MARCHF2: variants seen among roughly 807,000 people sequenced by gnomAD.
The protein encoded by MARCHF2 is membrane associated ring-CH-type finger 2.
Under a neutral mutation model 24.0 loss-of-function variants are expected in MARCHF2, and 22 were observed. That is an observed-to-expected ratio of 0.92 (90% CI 0.66 to 1.31). The LOEUF (loss-of-function observed/expected upper bound fraction) is 1.31, where lower values mean the gene tolerates loss of function less well. MARCHF2 is among the 50% of genes most tolerant of loss of function. MARCHF2 has a pLI of 0.00. For missense variants in MARCHF2, 301 were observed against 335.3 expected (o/e 0.90, Z 0.80); for synonymous variants, 154 against 153.0 (o/e 1.01, Z -0.05).
chr19:8,438,406 T>C lies in MARCHF2; in HGVS notation c.601T>C (p.Cys201Arg). ...LWTLVSFRYH[C>R]QLYSEWRKTN... ...CCCACAGGTCTCCTTCCGCTACCAC[T>C]GCCAGCTGTACTCCGAGTGGAGAAA... The change falls in exon 5 of 5, where the codon TGC (cysteine) becomes CGC (arginine). Residue 201 changes from cysteine to arginine, a missense_variant. Physicochemically the swap from Cys to Arg is radical, Grantham distance 180. Coordinates refer to ENST00000215555, the MANE Select transcript of MARCHF2 (RefSeq NM_001005415.2). 1 of 1,613,824 alleles carries C rather than the reference T, an allele frequency of 6.2e-7. No homozygotes were observed. Among genetic ancestry groups the C allele is most frequent in the Non-Finnish European group, 8.5e-7 (1 of 1,180,034 alleles).
In MARCHF2 at chr19:8,417,748, CTTTTTTTTTTTTTTTTTTTTT is replaced by C. The variant is rs71175853; in HGVS notation, c.-52-4030_-52-4010del. On this transcript the variant is annotated intron_variant, in intron 1 of 4. Coordinates refer to ENST00000215555, the MANE Select transcript of MARCHF2 (RefSeq NM_001005415.2). ...CCACTACGCCCGGCCAATACCCTGTCTTTTTTTTTTTTTTTTTTTTTTTTTTTTTTTGAGAAAGAATTTCAC... is the reference window on the plus strand; with the variant it reads ...CCACTACGCCCGGCCAATACCCTGTCTTTTTTTTTTGAGAAAGAATTTCAC... 6.2e-3 allele frequency among the ~76,000 whole-genome samples: 166 copies of C among 26,886 alleles called. 2 individuals carry two copies. The highest frequency in any genetic ancestry group is 0.025 in the African/African-American group (163 of 6,632). The allele number at this position is 26,886 out of a possible 152,430, so 17.6% of individuals were successfully genotyped here.
intron 1 of MARCHF2, chr19:8,418,308 T>G (rs1568234679): frequency 6.6e-6 from 1 of 152,216 alleles, no homozygotes; most frequent in African/African-American, 2.4e-5. Context: ...TCCCTGCCTT[T>G]GGGCAATACT....
At chr19:8,431,161 A>C (rs941017491) in intron 4 of MARCHF2, among the ~76,000 whole-genome samples, 1 of 152,156 alleles carries the variant, frequency 6.6e-6, no homozygotes. Flanking sequence ...AAAGCCTGAG[A>C]GAGAGATCGG....
intron 2 of MARCHF2, among the ~76,000 whole-genome samples, chr19:8,424,673 G>T (rs1390914624): frequency 1.4e-5 from 2 of 145,204 alleles, no homozygotes; most frequent in African/African-American, 5.0e-5. Context: ...TCAAAAAAAA[G>T]AAAAAAAAAA....
chr19:8,426,540 C>A, intron 2 of MARCHF2, 69 bp from the exon 3 acceptor site: 1 of 1,306,156 alleles, frequency 7.7e-7, no homozygotes, highest in Non-Finnish European at 1.1e-6. Context: ...GCTTGTGATC[C>A]AGTGGGTAGT....
chr19:8,432,474 G>A (rs1188134373), intron 4 of MARCHF2, among the ~76,000 whole-genome samples: 3 of 152,084 alleles, frequency 2.0e-5, no homozygotes, highest in African/African-American at 7.2e-5. Context: ...GGGCAACTTA[G>A]GGAGACCCCA....
chr19:8,419,815 C>T (rs1237385200), intron 1 of MARCHF2, among the ~76,000 whole-genome samples: 1 of 117,478 alleles, frequency 8.5e-6, no homozygotes, highest in Non-Finnish European at 1.7e-5. Flanking sequence ...GACTCCGTCT[C>T]AAAAAAAAAA....
At chr19:8,437,216 G>A (rs1967749081) in intron 4 of MARCHF2, among the ~76,000 whole-genome samples, 1 of 151,996 alleles carries the variant, frequency 6.6e-6, no homozygotes, top group African/African-American at 2.4e-5. Flanking sequence ...CTGAGCTCAA[G>A]TGGTCCCCAC....
At chr19:8,417,070 T>C (rs1255369245) in intron 1 of MARCHF2, among the ~76,000 whole-genome samples, 4 of 152,098 alleles carry the variant, frequency 2.6e-5, no homozygotes, top group African/African-American at 9.7e-5. Flanking sequence ...GTTTTTTTTT[T>C]TTCTCCCTGA....
chr19:8,435,777 C>T (rs545864179), intron 4 of MARCHF2, among the ~76,000 whole-genome samples: 1 of 151,306 alleles, frequency 6.6e-6, no homozygotes, highest in Non-Finnish European at 1.5e-5. Flanking sequence ...TGGGCTCAAA[C>T]CTTGGCTTCC....
chr19:8,435,023 T>TTA (rs1555694488), intron 4 of MARCHF2, among the ~76,000 whole-genome samples: 2 of 149,698 alleles, frequency 1.3e-5, no homozygotes, highest in African/African-American at 4.9e-5. Context: ...TTTTTTAATT[T>TTA]TTTTTTTTTT....
chr19:8,433,578 A>T (rs566412749), intron 4 of MARCHF2, among the ~76,000 whole-genome samples: 1,583 of 150,544 alleles, frequency 0.011, 21 homozygotes, highest in African/African-American at 0.036. Flanking sequence ...CAAGAGGCTG[A>T]GGCAGGAGAA....
At chr19:8,424,506 AAAT>A (rs2145551276) in intron 2 of MARCHF2, among the ~76,000 whole-genome samples, 1 of 152,118 alleles carries the variant, frequency 6.6e-6, no homozygotes, top group Admixed American at 6.6e-5. Flanking sequence ...TCTCTACAAA[AAAT>A]ACAAAAAATT....
rs552072789 is a variant in MARCHF2 at position 8,426,783 on chromosome 19, A to G, written c.351A>G (p.Lys117=). The change falls in exon 3 of 5, where the codon AAA becomes AAG. Residue 117 remains lysine (K), a synonymous_variant. Coordinates refer to ENST00000215555, the MANE Select transcript of MARCHF2 (RefSeq NM_001005415.2). ...ELCHTEFAVE[K]RPRPLTEWLK... Reference sequence around the variant, plus strand: ...GCCACACGGAGTTTGCAGTGGAGAAACGGCCTCGACCCCTCACAGAGGTAC... The same window carrying G: ...GCCACACGGAGTTTGCAGTGGAGAAGCGGCCTCGACCCCTCACAGAGGTAC... 1.2e-4 allele frequency: 195 copies of G among 1,612,168 alleles called. 2 individuals carry two copies. The South Asian group carries it at 2.0e-3, about 17-fold the overall frequency.
chr19:8,431,450 T>C (rs1967580530), intron 4 of MARCHF2, among the ~76,000 whole-genome samples: 1 of 118,084 alleles, frequency 8.5e-6, no homozygotes, highest in Admixed American at 1.3e-4. Flanking sequence ...TAAGCCTAGA[T>C]CATGCCATTG....
chr19:8,414,119 C>T (rs1967018005), intron 1 of MARCHF2, among the ~76,000 whole-genome samples: 1 of 152,116 alleles, frequency 6.6e-6, no homozygotes, highest in South Asian at 2.1e-4. Flanking sequence ...ATTAATAGAG[C>T]TTTTATTGAG....
intron 1 of MARCHF2, among the ~76,000 whole-genome samples, chr19:8,419,815 C>CA (rs372543513): frequency 0.032 from 3,706 of 117,416 alleles, 324 homozygotes; most frequent in African/African-American, 0.12. Context: ...GACTCCGTCT[C>CA]AAAAAAAAAA....
chr19:8,417,714 A>T lies in MARCHF2; in HGVS notation c.-52-4075A>T, dbSNP rs569985113. Among the ~76,000 whole-genome samples the T allele has an allele frequency of 2.7e-5, 4 of 145,588 alleles. No homozygotes were observed. In the East Asian group the frequency reaches 8.1e-4, roughly 30 times the overall value. ...CGGCCTCCCAAAGTGCTGGGATTACAGGCATGAGCCACTACGCCCGGCCAA... is the reference window on the plus strand; with the variant it reads ...CGGCCTCCCAAAGTGCTGGGATTACTGGCATGAGCCACTACGCCCGGCCAA... On this transcript the variant is annotated intron_variant, in intron 1 of 4. Transcript: ENST00000215555.
intron 2 of MARCHF2, among the ~76,000 whole-genome samples, chr19:8,424,376 A>G (rs1216034851): frequency 6.6e-6 from 1 of 151,788 alleles, no homozygotes; most frequent in Non-Finnish European, 1.5e-5. Flanking sequence ...TTAAGAATCT[A>G]CCTTTCCCAG....
Sources: gnomAD v4.1 joint callset for allele counts (sites outside exome capture counted in the v4.1 genomes callset) on GRCh38, gnomAD v4.1.1 for gene constraint, MANE v1.5 for transcripts, NCBI Gene and HGNC (gene_info 2026-07-23, HGNC 2026-07-21) for gene names.